Variants in COQ8A observed in about 807,000 individuals in gnomAD.
The protein encoded by COQ8A is atypical kinase COQ8A, mitochondrial.
Under a neutral mutation model 65.0 loss-of-function variants are expected in COQ8A, and 51 were observed. That is an observed-to-expected ratio of 0.78 (90% confidence interval 0.63 to 0.99). The LOEUF (loss-of-function observed/expected upper bound fraction) is 0.99. Ranked by LOEUF, COQ8A falls within the 50% of genes least tolerant of loss-of-function variation. COQ8A has a pLI of 0.00. For synonymous variants in COQ8A, 371 were observed against 353.2 expected (o/e 1.05, Z -0.57); for missense variants, 940 against 875.0 (o/e 1.07, Z -0.94).
At chr1:226,956,281 C>T (rs1427213872) in intron 1 of COQ8A, among the ~76,000 whole-genome samples, 1 of 78,146 alleles carries the variant, frequency 1.3e-5, no homozygotes, top group Admixed American at 1.2e-4. Flanking sequence ...CTCTCCCTGG[C>T]TTCCACTCTC....
rs867981030 is a variant in COQ8A at position 226,984,158 on chromosome 1, C to T, written c.1321C>T (p.His441Tyr). ...PEIVDELCSP[H>Y]VLTTELVSGF... ...GATTGTGGATGAGCTCTGCAGCCCA[C>T]ATGTGCTGACCACAGAGCTGGTGTC... The change falls in exon 11 of 15, where the codon CAT becomes TAT. Residue 441 changes from histidine (H) to tyrosine (Y), a missense_variant. Physicochemically the swap from His to Tyr is moderately conservative, Grantham distance 83. Coordinates refer to ENST00000366777, the MANE Select transcript of COQ8A (RefSeq NM_020247.5). The T allele has an allele frequency of 6.2e-7, 1 of 1,613,916 alleles. No homozygotes were observed. The highest frequency in any genetic ancestry group is 1.3e-5 in the African/African-American group (1 of 75,062).
intron 2 of COQ8A, among the ~76,000 whole-genome samples, chr1:226,963,558 A>C (rs1457730312): frequency 6.6e-6 from 1 of 152,198 alleles, no homozygotes; most frequent in East Asian, 1.9e-4. Flanking sequence ...CTCACTGTCA[A>C]GCCTTCCCTG....
At chr1:226,957,616 C>CA (rs1351018214) in intron 1 of COQ8A, among the ~76,000 whole-genome samples, 2 of 152,134 alleles carry the variant, frequency 1.3e-5, no homozygotes, top group Admixed American at 1.3e-4. Context: ...AAGGGATCCT[C>CA]AGAGTAAAAT....
intron 5 of COQ8A, among the ~76,000 whole-genome samples, chr1:226,980,429 C>G (rs1195284156): frequency 6.6e-6 from 1 of 152,254 alleles, no homozygotes; most frequent in Non-Finnish European, 1.5e-5. Context: ...GACTGTCCCT[C>G]CTCTGGCCTG....
Position 226,982,306 on chromosome 1 carries a change from G to T in COQ8A, c.853+157G>T. 4 of 1,152,310 alleles carry T rather than the reference G, an allele frequency of 3.5e-6. No individual in the cohort carries two copies. The South Asian group carries it at 4.7e-5, about 14-fold the overall frequency. 71.4% of individuals were successfully genotyped at this position (1,152,310 alleles called of 1,614,324 possible). A position where few individuals can be genotyped will look rare whatever the true frequency, so the allele number is the denominator to read the frequency against. On this transcript the variant is annotated intron_variant, in intron 6 of 14. Coordinates refer to ENST00000366777, the MANE Select transcript of COQ8A (RefSeq NM_020247.5). ...AGATAATAGGCCTGGTCTCCAGACG[G>T]GTGGCTCTGGGTCCAAAGAAACACA...
intron 4 of COQ8A, among the ~76,000 whole-genome samples, chr1:226,970,735 T>C (rs1658853116): frequency 6.6e-6 from 1 of 152,206 alleles, no homozygotes; most frequent in East Asian, 1.9e-4. Flanking sequence ...TTTTAGATAT[T>C]AAGATATATT....
At chr1:226,960,857 G>A (rs138043845) in intron 1 of COQ8A, among the ~76,000 whole-genome samples, 1,552 of 152,202 alleles carry the variant, frequency 0.01, 32 homozygotes, top group African/African-American at 0.035. Context: ...GCAGAGCAAT[G>A]GTGGCTGGGC....
At chr1:226,959,412 C>A (rs1380561937) in intron 1 of COQ8A, among the ~76,000 whole-genome samples, 1 of 151,408 alleles carries the variant, frequency 6.6e-6, no homozygotes, top group Admixed American at 6.6e-5. Flanking sequence ...ATAGTGAGAC[C>A]CCTCTCTTAA....
chr1:226,951,188 C>G (rs905472802), intron 1 of COQ8A, among the ~76,000 whole-genome samples: 7 of 152,216 alleles, frequency 4.6e-5, no homozygotes, highest in African/African-American at 1.7e-4. Flanking sequence ...CCCACACCCA[C>G]GTCAGTGCTT....
chr1:226,955,134 A>G lies in COQ8A; in HGVS notation c.-9-6243A>G, dbSNP rs117178924. ...TGGGAATATCAGATGCTTGAGGGCA[A>G]GGGAGGAGGCTTGAAAGAAGCGTAT... On this transcript the variant is annotated intron_variant, in intron 1 of 14. Transcript: ENST00000366777. Among the ~76,000 whole-genome samples, 381 of 152,170 alleles carry G rather than the reference A, an allele frequency of 2.5e-3. 9 individuals are homozygous for G. In the East Asian group the frequency reaches 0.047, roughly 19 times the overall value.
At chr1:226,981,981 C>A in intron 5 of COQ8A, 46 bp from the exon 6 acceptor site, 1 of 1,612,740 alleles carries the variant, frequency 6.2e-7, no homozygotes, top group Non-Finnish European at 8.5e-7. Flanking sequence ...CATCCCACTC[C>A]CAGACCCCCC....
intron 1 of COQ8A, among the ~76,000 whole-genome samples, chr1:226,942,467 A>C (rs1656766806): frequency 6.6e-6 from 1 of 152,014 alleles, no homozygotes; most frequent in Admixed American, 6.5e-5. Context: ...GGGATACTGC[A>C]AGACTAGGGG....
rs72760489 is a variant in COQ8A at position 226,982,596 on chromosome 1, C to T, written c.854-82C>T. 0.017 allele frequency: 24,868 copies of T among 1,443,368 alleles called. 290 individuals carry two copies. Among genetic ancestry groups the T allele is most frequent in the Middle Eastern group, 0.037 (154 of 4,184 alleles). The allele number at this position is 1,443,368 out of a possible 1,614,324, so 89.4% of individuals were successfully genotyped here. On this transcript the variant is annotated intron_variant, in intron 6 of 14. Transcript: ENST00000366777. ...GGTGGGGAGGGTGTGGTGGCCAGGG[C>T]ATCCCAGGAGTGTGCCCGCCCAGGT...
intron 4 of COQ8A, 126 bp downstream of exon 4, chr1:226,965,863 C>T (rs918259030): frequency 3.7e-5 from 37 of 999,988 alleles, no homozygotes; most frequent in East Asian, 1.8e-4. Context: ...TGGCGGTGGC[C>T]GCCCCTGCAT....
intron 5 of COQ8A, among the ~76,000 whole-genome samples, chr1:226,979,670 A>T (rs1659572734): frequency 2.0e-5 from 3 of 152,098 alleles, no homozygotes; most frequent in Non-Finnish European, 4.4e-5. Flanking sequence ...GGGCCCTGCC[A>T]GTCCCCGGAC....
intron 14 of COQ8A, among the ~76,000 whole-genome samples, chr1:226,986,077 G>C (rs901776493): frequency 6.6e-6 from 1 of 152,182 alleles, no homozygotes; most frequent in Admixed American, 6.5e-5. Flanking sequence ...ACGGCTGCTG[G>C]GTGTGTCTTG....
chr1:226,947,285 G>C (rs1306392599), intron 1 of COQ8A, among the ~76,000 whole-genome samples: 12 of 152,122 alleles, frequency 7.9e-5, no homozygotes, highest in Non-Finnish European at 1.5e-4. Flanking sequence ...GGTGTGGAAG[G>C]GTCCAGCATC....
intron 4 of COQ8A, among the ~76,000 whole-genome samples, chr1:226,971,534 A>T (rs1405465747): frequency 6.6e-6 from 1 of 151,642 alleles, no homozygotes; most frequent in Non-Finnish European, 1.5e-5. Flanking sequence ...CCTGGATGAC[A>T]GCTCCATCTC....
intron 1 of COQ8A, among the ~76,000 whole-genome samples, chr1:226,951,589 G>A (rs2148016029): frequency 6.6e-6 from 1 of 152,208 alleles, no homozygotes; most frequent in East Asian, 1.9e-4. Flanking sequence ...TATAATGGGG[G>A]GGTCCTTGCC....
Sources: allele counts gnomAD v4.1 joint callset (sites outside exome capture counted in the v4.1 genomes callset), GRCh38; gene constraint gnomAD v4.1.1; transcripts MANE v1.5; gene names NCBI Gene and HGNC (gene_info 2026-07-23, HGNC 2026-07-21).